FANCE: variants seen among roughly 807,000 people sequenced by gnomAD.
FANCE encodes Fanconi anemia group E protein.
A neutral mutation model predicts 57.8 loss-of-function variants in FANCE; 42 were observed. The observed-to-expected ratio is 0.73, with a 90% CI of 0.57 to 0.94. FANCE has a LOEUF of 0.94. Among genes scored for constraint, FANCE ranks in the 40% least tolerant of loss-of-function variants. The pLI, the probability that FANCE is intolerant of heterozygous loss-of-function variation, is 0.00. For synonymous variants in FANCE, 251 were observed against 286.4 expected (o/e 0.88, Z 1.25); for missense variants, 608 against 661.8 (o/e 0.92, Z 0.89).
In FANCE at chr6:35,452,509, A is replaced by G; in HGVS notation, c.-37A>G. On this transcript the variant is annotated 5_prime_UTR_variant, in exon 1 of 10. Coordinates refer to ENST00000229769, the MANE Select transcript of FANCE (RefSeq NM_021922.3). The stretch of plus-strand genomic sequence containing the variant: ...CTCAGCCTCTGAGCTGAGGCCCCAC[A>G]CCAGAGTAGGGGGCGGCGCGGCACC... 3.2e-6 allele frequency: 4 copies of G among 1,251,618 alleles called. No homozygotes were observed. Among genetic ancestry groups the G allele is most frequent in the Non-Finnish European group, 3.0e-6 (3 of 997,108 alleles). 77.5% of individuals were successfully genotyped at this position (1,251,618 alleles called of 1,614,324 possible).
At chr6:35,464,170 C>G (rs1393158864) in intron 9 of FANCE, among the ~76,000 whole-genome samples, 1 of 151,568 alleles carries the variant, frequency 6.6e-6, no homozygotes, top group Non-Finnish European at 1.5e-5. Flanking sequence ...TCTACAGTAC[C>G]TGCCATGTCT....
At chr6:35,459,872 A>G in intron 7 of FANCE, 112 bp downstream of exon 7, 1 of 873,576 alleles carries the variant, frequency 1.1e-6, no homozygotes, top group East Asian at 2.4e-5. Context: ...AGGAAGCCTT[A>G]TGTGTATCAT....
intron 9 of FANCE, 143 bp downstream of exon 9, chr6:35,463,057 T>C (rs1172280256): frequency 6.8e-6 from 8 of 1,172,208 alleles, no homozygotes; most frequent in Non-Finnish European, 9.9e-6. Flanking sequence ...TCTCAGCACT[T>C]TGGGAGGCCG....
chr6:35,462,371 T>C (rs1202745069), intron 8 of FANCE, among the ~76,000 whole-genome samples: 1 of 152,122 alleles, frequency 6.6e-6, no homozygotes, highest in Non-Finnish European at 1.5e-5. Flanking sequence ...CCTCTCAAAG[T>C]GCTGGGATTA....
chr6:35,457,661 A>G (rs1469590430), intron 3 of FANCE, 61 bp downstream of exon 3: 8 of 1,577,602 alleles, frequency 5.1e-6, no homozygotes, highest in Non-Finnish European at 7.0e-6. Flanking sequence ...GACCCCAACT[A>G]TGCCCAAGGA....
chr6:35,454,067 G>T (rs1767221658), intron 1 of FANCE, among the ~76,000 whole-genome samples: 1 of 144,030 alleles, frequency 6.9e-6, no homozygotes. Context: ...TTTTTTGTTT[G>T]TTTTGTTTTT....
intron 8 of FANCE, among the ~76,000 whole-genome samples, chr6:35,462,131 G>A (rs546507486): frequency 9.0e-4 from 134 of 148,734 alleles, no homozygotes; most frequent in African/African-American, 2.8e-3. Flanking sequence ...TTTTTGAGAC[G>A]GAGTCTCACT....
intron 1 of FANCE, among the ~76,000 whole-genome samples, chr6:35,455,049 G>A (rs956607381): frequency 6.6e-5 from 10 of 152,104 alleles, no homozygotes; most frequent in African/African-American, 2.4e-4. Context: ...GGGGATTGCC[G>A]AGGGCAGCCA....
intron 1 of FANCE, among the ~76,000 whole-genome samples, chr6:35,453,065 G>C (rs1349045954): frequency 1.3e-5 from 2 of 152,206 alleles, no homozygotes. Flanking sequence ...AACTGGACTC[G>C]TACGTCCAGT....
In FANCE at chr6:35,456,050, A is replaced by G. The variant is rs138182352; in HGVS notation, c.552A>G (p.Pro184=). The change falls in exon 2 of 10, where the codon CCA becomes CCG. Residue 184 remains proline, a synonymous_variant. Coordinates refer to ENST00000229769, the MANE Select transcript of FANCE (RefSeq NM_021922.3). This position sits in a 1 kb window ranked among gnomAD's most constrained non-coding sequence, Gnocchi z 4.3. ...GGRRLKSPQA[P]DPEEEENRDS... ...GGAGGTTGAAATCCCCCCAGGCTCC[A>G]GACCCTGAAGAAGAGGAGAACAGGG... is the stretch of plus-strand genomic sequence containing the variant. The G allele has an allele frequency of 6.2e-7, 1 of 1,613,380 alleles. No individual in the cohort carries two copies. Among genetic ancestry groups the G allele is most frequent in the South Asian group, 1.1e-5 (1 of 91,052 alleles).
intron 1 of FANCE, among the ~76,000 whole-genome samples, chr6:35,454,276 G>C (rs1767233728): frequency 6.6e-6 from 1 of 152,052 alleles, no homozygotes; most frequent in African/African-American, 2.4e-5. Context: ...TGGCTGGGCT[G>C]GTCTGGAACT....
At chr6:35,454,534 C>T (rs1184970991) in intron 1 of FANCE, among the ~76,000 whole-genome samples, 1 of 152,150 alleles carries the variant, frequency 6.6e-6, no homozygotes, top group Non-Finnish European at 1.5e-5. Context: ...GGGTGGTGGG[C>T]TAGATGCTGC....
Position 35,456,201 on chromosome 6 carries a change from G to T in FANCE, c.703G>T (p.Glu235Ter). 3.1e-6 allele frequency: 5 copies of T among 1,614,124 alleles called. No individual in the cohort carries two copies. The highest frequency in any genetic ancestry group is 4.2e-6 in the Non-Finnish European group (5 of 1,180,022). ...EEEDHEKERP[E>*]HKSLESLADG... ...AGAAGATCATGAGAAGGAGAGACCC[G>T]AACATAAGTCACTGGAATCCCTGGC... Residue 235 changes from glutamate (E) to a stop codon, truncating the protein, a stop_gained, in exon 2 of 10, where the codon GAA becomes TAA. Transcript: ENST00000229769. LOFTEE classifies it high-confidence loss of function. The surrounding 1 kb of genome is among the most constrained non-coding windows in gnomAD (Gnocchi z 4.3).
Position 35,456,326 on chromosome 6 carries a change from G to C in FANCE, c.828G>C (p.Glu276Asp). Residue 276 changes from glutamate to aspartate, a missense_variant, in exon 2 of 10, where the codon GAG becomes GAC. By Grantham distance (45) the Glu-to-Asp change is conservative. Transcript: ENST00000229769. The surrounding 1 kb of genome is among the most constrained non-coding windows in gnomAD (Gnocchi z 4.3). ...TGGATGATGCTAAAGGTCTGGCTGA[G>C]AGTTTGGAGTTGCCCAAAGCTATCC... ...SNLDDAKGLA[E>D]SLELPKAIQD... is the part of the protein sequence containing the mutation. 1 of 1,614,192 alleles carries C rather than the reference G, an allele frequency of 6.2e-7. No individual in the cohort carries two copies. Among genetic ancestry groups the C allele is most frequent in the Admixed American group, 1.7e-5 (1 of 60,024 alleles).
Position 35,452,344 on chromosome 6 carries a change from C to G in FANCE, c.-202C>G, listed in dbSNP as rs1416417987. 2 of 480,570 alleles carry G rather than the reference C, an allele frequency of 4.2e-6. No individual in the cohort carries two copies. Among genetic ancestry groups the G allele is most frequent in the Non-Finnish European group, 6.3e-6 (2 of 316,416 alleles). The allele number at this position is 480,570 out of a possible 1,614,324, so 29.8% of individuals were successfully genotyped here. ...CCCCCGGCCGCGCCTCCCTCCTTCC[C>G]TTTCCGACAGCGCGGGAACGGCTGC... is the stretch of plus-strand genomic sequence containing the variant. On this transcript the variant is annotated 5_prime_UTR_variant, in exon 1 of 10. Transcript: ENST00000229769.
chr6:35,459,278 G>A (rs1434835529), intron 5 of FANCE, 53 bp from the exon 6 acceptor site: 7 of 1,604,086 alleles, frequency 4.4e-6, no homozygotes, highest in Non-Finnish European at 6.0e-6. Flanking sequence ...TTTGATAAAT[G>A]CTGTTGAAAT....
chr6:35,460,581 A>G lies in FANCE; in HGVS notation c.1346A>G (p.Glu449Gly). 6 of 1,614,076 alleles carry G rather than the reference A, an allele frequency of 3.7e-6. No homozygotes were observed. Among genetic ancestry groups the G allele is most frequent in the South Asian group, 2.2e-5 (2 of 91,074 alleles). The change falls in exon 8 of 10, where the codon GAA (glutamate) becomes GGA (glycine). Residue 449 changes from glutamate to glycine, a missense_variant. Physicochemically the swap from Glu to Gly is moderately conservative, Grantham distance 98. Coordinates refer to ENST00000229769, the MANE Select transcript of FANCE (RefSeq NM_021922.3). ...ATCTTGGAGCTGCCCTGGAAGGAGG[A>G]AACTTTCTTGGTGTTGCAGTCACTC... is the stretch of plus-strand genomic sequence containing the variant. Reference protein sequence around the residue: ...GQILELPWKEETFLVLQSLLE... With the variant: ...GQILELPWKEGTFLVLQSLLE...
Position 35,452,672 on chromosome 6 carries a change from G to T in FANCE, c.127G>T (p.Gly43Cys). 8.1e-7 allele frequency: 1 copy of T among 1,236,648 alleles called. No individual in the cohort carries two copies. The highest frequency in any genetic ancestry group is 1.0e-6 in the Non-Finnish European group (1 of 991,152). 76.6% of individuals were successfully genotyped at this position (1,236,648 alleles called of 1,614,324 possible). A position where few individuals can be genotyped will look rare whatever the true frequency, so the allele number is the denominator to read the frequency against. ...LQAGPEGARR[G>C]LGVLRALGSR... ...GGCGGGGCCTGAGGGGGCGCGGCGCGGCCTGGGGGTGCTCCGGGCGCTGGG... is the reference window on the plus strand; with the variant it reads ...GGCGGGGCCTGAGGGGGCGCGGCGCTGCCTGGGGGTGCTCCGGGCGCTGGG... The change falls in exon 1 of 10, where the codon GGC becomes TGC. Residue 43 changes from glycine (G) to cysteine (C), a missense_variant. Coordinates refer to ENST00000229769, the MANE Select transcript of FANCE (RefSeq NM_021922.3).
Position 35,466,900 on chromosome 6 carries a change from A to G in FANCE, c.*555A>G, listed in dbSNP as rs1044588987. On this transcript the variant is annotated 3_prime_UTR_variant, in exon 10 of 10. Transcript: ENST00000229769. ...CTGGCCCCAGGCACACTCCTCATCA[A>G]TTCTCAGGCTGCAGGGACAAACTTT... The G allele has an allele frequency of 2.2e-5, 5 of 231,414 alleles. No individual in the cohort carries two copies. The highest frequency in any genetic ancestry group is 6.6e-5 in the East Asian group (1 of 15,168). 14.3% of individuals were successfully genotyped at this position (231,414 alleles called of 1,614,324 possible).
Sources: gnomAD v4.1 joint callset for allele counts (sites outside exome capture counted in the v4.1 genomes callset) on GRCh38, gnomAD v4.1.1 for gene constraint, Gnocchi (gnomAD v3.1) non-coding constraint, MANE v1.5 for transcripts, NCBI Gene and HGNC (gene_info 2026-07-23, HGNC 2026-07-21) for gene names.